The following NTM variants were observed in gnomAD, a reference collection of about 807,000 sequenced individuals.
NTM encodes IgLON family member 2.
A neutral mutation model predicts 42.1 loss-of-function variants in NTM; 13 were observed. The observed-to-expected ratio is 0.31, with a 90% CI of 0.20 to 0.49. The LOEUF is 0.49. NTM is among the 20% of genes least tolerant of loss of function. NTM has a pLI of 0.99. For missense variants in NTM, 373 were observed against 452.8 expected (o/e 0.82, Z 1.60); for synonymous variants, 187 against 179.2 (o/e 1.04, Z -0.35).
Position 132,029,127 on chromosome 11 carries a change from C to G in NTM, c.168-117155C>G, listed in dbSNP as rs563174938. Among the ~76,000 whole-genome samples the G allele has an allele frequency of 3.3e-5, 5 of 151,958 alleles. No homozygotes were observed. In the South Asian group the frequency reaches 1.0e-3, roughly 32 times the overall value. On this transcript the variant is annotated intron_variant, in intron 2 of 8. Coordinates refer to ENST00000683400, the MANE Select transcript of NTM (RefSeq NM_001352005.2). The stretch of plus-strand genomic sequence containing the variant: ...TTCTGCTCTTATAAGTTGTGATTCT[C>G]TGTATCCACCTGTCTTTTCCAATTT...
At chr11:132,150,040 GCTCATGGTT>G (rs2137409555) in intron 3 of NTM, among the ~76,000 whole-genome samples, 1 of 152,252 alleles carries the variant, frequency 6.6e-6, no homozygotes, top group Admixed American at 6.5e-5. Flanking sequence ...GGTTTATTTG[GCTCATGGTT>G]CTGCAGCCTG....
intron 2 of NTM, among the ~76,000 whole-genome samples, chr11:131,922,541 C>G (rs1249917207): frequency 2.6e-5 from 4 of 152,186 alleles, no homozygotes; most frequent in African/African-American, 9.6e-5. Flanking sequence ...TCATTCTCTC[C>G]TGTGCTTCAT....
intron 1 of NTM, among the ~76,000 whole-genome samples, chr11:131,882,411 G>A (rs2049684364): frequency 6.6e-6 from 1 of 152,204 alleles, no homozygotes; most frequent in Non-Finnish European, 1.5e-5. Context: ...CCCTGTTATG[G>A]AGAGTAATCT....
At chr11:131,927,575 G>T (rs1235745650) in intron 2 of NTM, among the ~76,000 whole-genome samples, 1 of 152,336 alleles carries the variant, frequency 6.6e-6, no homozygotes, top group East Asian at 1.9e-4. Context: ...GCACTTGACT[G>T]TTGCCACTTT....
chr11:131,689,644 C>G (rs1422495210), intron 1 of NTM, among the ~76,000 whole-genome samples: 1 of 152,176 alleles, frequency 6.6e-6, no homozygotes, highest in Non-Finnish European at 1.5e-5. Context: ...GGCTGGGCCT[C>G]AGCAGCCTTC....
intron 1 of NTM, among the ~76,000 whole-genome samples, chr11:131,710,068 A>ATG (rs1201028846): frequency 1.3e-5 from 2 of 152,162 alleles, no homozygotes; most frequent in African/African-American, 4.8e-5. Flanking sequence ...CCTTGACAAG[A>ATG]ACAATGTGAG....
intron 1 of NTM, among the ~76,000 whole-genome samples, chr11:131,484,774 G>T (rs139628300): frequency 6.6e-6 from 1 of 151,990 alleles, no homozygotes; most frequent in African/African-American, 2.4e-5. Flanking sequence ...CTCCTCATTC[G>T]TGCTGTGAAT....
chr11:131,511,714 G>A (rs1362276361), intron 1 of NTM, among the ~76,000 whole-genome samples: 1 of 152,182 alleles, frequency 6.6e-6, no homozygotes, highest in African/African-American at 2.4e-5. Flanking sequence ...GTGGCACCTG[G>A]CAGCTGCGTC....
At chr11:132,090,981 C>A (rs142569513) in intron 2 of NTM, among the ~76,000 whole-genome samples, 3 of 152,154 alleles carry the variant, frequency 2.0e-5, no homozygotes, top group Non-Finnish European at 4.4e-5. Context: ...TTCTCTATAG[C>A]GGCTATTTCC....
At chr11:132,162,553 C>T (rs12287923) in intron 3 of NTM, among the ~76,000 whole-genome samples, 117,437 of 144,356 alleles carry the variant, frequency 0.81, 47,376 homozygotes, top group African/African-American at 0.86. Context: ...TGCTTCTGTG[C>T]GTGAGGAGTG....
At chr11:131,660,522 C>T (rs916466579) in intron 1 of NTM, 15 of 457,452 alleles carry the variant, frequency 3.3e-5, no homozygotes, top group African/African-American at 2.0e-4. Flanking sequence ...CGGCACTGAC[C>T]CTGGGTCCCA....
At chr11:132,070,128 ACG>A (rs2057301713) in intron 2 of NTM, among the ~76,000 whole-genome samples, 4 of 147,352 alleles carry the variant, frequency 2.7e-5, no homozygotes, top group Non-Finnish European at 5.9e-5. Context: ...GTTAGTTAAC[ACG>A]TCACACAGCC....
intron 1 of NTM, among the ~76,000 whole-genome samples, chr11:131,887,100 T>C (rs958011004): frequency 6.6e-6 from 1 of 152,216 alleles, no homozygotes; most frequent in Non-Finnish European, 1.5e-5. Context: ...AACAATGTAT[T>C]GTACACTTGA....
intron 1 of NTM, among the ~76,000 whole-genome samples, chr11:131,648,889 T>C (rs931122692): frequency 6.6e-6 from 1 of 152,192 alleles, no homozygotes; most frequent in African/African-American, 2.4e-5. Context: ...GAACTACTTT[T>C]GGTGGCACAT....
At chr11:131,749,168 G>C (rs183391967) in intron 1 of NTM, among the ~76,000 whole-genome samples, 1 of 152,318 alleles carries the variant, frequency 6.6e-6, no homozygotes, top group Non-Finnish European at 1.5e-5. Context: ...AATCAACTCA[G>C]TACTGGAAAT....
intron 1 of NTM, among the ~76,000 whole-genome samples, chr11:131,410,198 G>C (rs1946225920): frequency 6.6e-6 from 1 of 152,060 alleles, no homozygotes; most frequent in African/African-American, 2.4e-5. Context: ...CATCAAGGAG[G>C]GTGCAGAAGC....
At chr11:132,090,915 C>A (rs1014341084) in intron 2 of NTM, among the ~76,000 whole-genome samples, 1 of 152,178 alleles carries the variant, frequency 6.6e-6, no homozygotes, top group Non-Finnish European at 1.5e-5. Flanking sequence ...TCTCACCTCA[C>A]CCAGACCTAC....
intron 4 of NTM, among the ~76,000 whole-genome samples, chr11:132,276,187 G>A (rs940374403): frequency 6.6e-6 from 1 of 151,956 alleles, no homozygotes; most frequent in Non-Finnish European, 1.5e-5. Flanking sequence ...TTATTTTTGT[G>A]TGGCTGAATA....
chr11:131,652,920 A>C (rs551423561), intron 1 of NTM, among the ~76,000 whole-genome samples: 1 of 152,326 alleles, frequency 6.6e-6, no homozygotes, highest in Non-Finnish European at 1.5e-5. Context: ...CAACCTGCAC[A>C]ATTGCCTTCA....
Sources: gnomAD v4.1 joint callset for allele counts (sites outside exome capture counted in the v4.1 genomes callset) on GRCh38, gnomAD v4.1.1 for gene constraint, MANE v1.5 for transcripts, NCBI Gene and HGNC (gene_info 2026-07-23, HGNC 2026-07-21) for gene names.